The following ELOA variants were observed in gnomAD, a reference collection of about 807,000 sequenced individuals.
The protein encoded by ELOA is elongin A, also known as elongin-A.
A neutral mutation model predicts 85.2 loss-of-function variants in ELOA; 15 were observed. The observed-to-expected ratio is 0.18, with a 90% CI of 0.12 to 0.27. The LOEUF (loss-of-function observed/expected upper bound fraction) is 0.27. ELOA is among the 10% of genes least tolerant of loss of function. ELOA has a pLI of 1.00. For missense variants in ELOA, 769 were observed against 952.7 expected (o/e 0.81, Z 2.54); for synonymous variants, 348 against 357.2 (o/e 0.97, Z 0.29).
chr1:23,760,843 TAGG>T lies in ELOA; in HGVS notation c.*1274_*1276del, dbSNP rs1638282822. 6.6e-6 allele frequency: 1 copy of T among 152,008 alleles called. No homozygotes were observed. Among genetic ancestry groups the T allele is most frequent in the Non-Finnish European group, 1.5e-5 (1 of 68,022 alleles). The allele number at this position is 152,008 out of a possible 1,614,324, so 9.4% of individuals were successfully genotyped here. A position where few individuals can be genotyped will look rare whatever the true frequency, so the allele number is the denominator to read the frequency against. ...GTTGAACAGGAGCAAGATCAGAACT[TAGG>T]AGGGCAGTGTCAGCTCCCTTGTTGG... is the stretch of plus-strand genomic sequence containing the variant. On this transcript the variant is annotated 3_prime_UTR_variant, in exon 11 of 11. Transcript: ENST00000613537.
intron 10 of ELOA, among the ~76,000 whole-genome samples, chr1:23,758,072 C>G (rs563990373): frequency 6.6e-6 from 1 of 151,286 alleles, no homozygotes; most frequent in Non-Finnish European, 1.5e-5. Context: ...TTGTGAATGA[C>G]CATTTTGGCA....
chr1:23,754,066 A>G (rs1644784190), intron 5 of ELOA, 34 bp from the exon 6 acceptor site: 2 of 1,610,336 alleles, frequency 1.2e-6, no homozygotes, highest in South Asian at 1.1e-5. Context: ...TCACTGGATC[A>G]CTTAGGGCCT....
In ELOA at chr1:23,752,392, G is replaced by A; in HGVS notation, c.1426-15G>A. On this transcript the variant is annotated splice_polypyrimidine_tract_variant and intron_variant, in intron 4 of 10. Transcript: ENST00000613537. ...CTACTCACTGACTCTCCACCCATGG[G>A]TCTGTCCCCTGCAGGTGCCTGATGT... 1 of 1,612,594 alleles carries A rather than the reference G, an allele frequency of 6.2e-7. No individual in the cohort carries two copies. Among genetic ancestry groups the A allele is most frequent in the South Asian group, 1.1e-5 (1 of 90,850 alleles).
chr1:23,753,595 A>C (rs919791623), intron 5 of ELOA, among the ~76,000 whole-genome samples: 1 of 152,016 alleles, frequency 6.6e-6, no homozygotes, highest in Non-Finnish European at 1.5e-5. Context: ...CCTATGCCAC[A>C]GTAAAAAAAA....
At chr1:23,749,549 A>G (rs184757253) in intron 2 of ELOA, among the ~76,000 whole-genome samples, 116 of 152,300 alleles carry the variant, frequency 7.6e-4, no homozygotes, top group African/African-American at 2.7e-3. Flanking sequence ...TTCCTGCTTC[A>G]CAGGGTTATT....
At chr1:23,754,603 C>T in intron 7 of ELOA, 143 bp downstream of exon 7, 1 of 679,530 alleles carries the variant, frequency 1.5e-6, no homozygotes, top group Non-Finnish European at 2.5e-6. Context: ...TGCCACTGGG[C>T]CTTTAAACAA....
intron 1 of ELOA, chr1:23,744,060 C>T (rs1395125558): frequency 6.5e-6 from 1 of 153,112 alleles, no homozygotes; most frequent in Non-Finnish European, 1.5e-5. Context: ...GACTCGCGGT[C>T]TGGTCCGCGC....
chr1:23,754,503 T>G, intron 7 of ELOA, 43 bp downstream of exon 7: 1 of 1,481,302 alleles, frequency 6.8e-7, no homozygotes, highest in Non-Finnish European at 9.4e-7. Context: ...TTTTCTGGCT[T>G]GTACCTCCAG....
chr1:23,744,895 A>G (rs1644739883), intron 1 of ELOA, among the ~76,000 whole-genome samples: 1 of 152,180 alleles, frequency 6.6e-6, no homozygotes. Context: ...CTGAAAGGCT[A>G]AGGTACCAGG....
chr1:23,744,301 G>A (rs1644737016), intron 1 of ELOA: 2 of 152,226 alleles, frequency 1.3e-5, no homozygotes, highest in African/African-American at 2.4e-5. Context: ...TTGTTCGAGT[G>A]ATGGACAACC....
At chr1:23,758,074 A>AT (rs942281431) in intron 10 of ELOA, among the ~76,000 whole-genome samples, 24 of 151,520 alleles carry the variant, frequency 1.6e-4, no homozygotes, top group African/African-American at 5.3e-4. Flanking sequence ...GTGAATGACC[A>AT]TTTTGGCACT....
rs1638269371 is a variant in ELOA at position 23,760,076 on chromosome 1, C to G, written c.*503C>G. 6.3e-6 allele frequency: 1 copy of G among 159,470 alleles called. No homozygotes were observed. The highest frequency in any genetic ancestry group is 1.4e-5 in the Non-Finnish European group (1 of 72,850). 9.9% of individuals were successfully genotyped at this position (159,470 alleles called of 1,614,324 possible). A position where few individuals can be genotyped will look rare whatever the true frequency, so the allele number is the denominator to read the frequency against. On this transcript the variant is annotated 3_prime_UTR_variant, in exon 11 of 11. Transcript: ENST00000613537. ...GGACTGGGCATCTCCAGAGCCTGCA[C>G]AGTACCTGCTGCACGTAGGGCAAGG... is the stretch of plus-strand genomic sequence containing the variant.
intron 10 of ELOA, among the ~76,000 whole-genome samples, chr1:23,758,272 T>TA (rs1557456765): frequency 2.0e-5 from 2 of 99,970 alleles, no homozygotes; most frequent in African/African-American, 7.8e-5. Flanking sequence ...TTTTTTTTTT[T>TA]TTTTTTTTTT....
rs1451628255 is a variant in ELOA at position 23,760,505 on chromosome 1, T to G, written c.*932T>G. ...CACACGGCAGGGCTTTTTGTAGCCC[T>G]GAAGGCAACTTTAGACATTTAAAAT... On this transcript the variant is annotated 3_prime_UTR_variant, in exon 11 of 11. Transcript: ENST00000613537. The G allele has an allele frequency of 6.6e-6, 1 of 152,204 alleles. No homozygotes were observed. The highest frequency in any genetic ancestry group is 2.1e-4 in the South Asian group (1 of 4,826). 9.4% of individuals were successfully genotyped at this position (152,204 alleles called of 1,614,324 possible).
intron 10 of ELOA, 46 bp from the exon 11 acceptor site, chr1:23,759,466 A>G (rs1467027952): frequency 3.7e-6 from 6 of 1,602,802 alleles, no homozygotes; most frequent in Admixed American, 1.7e-5. Context: ...GGGTGTGTCT[A>G]AGCCGCCACA....
At chr1:23,754,574 G>A in intron 7 of ELOA, 114 bp downstream of exon 7, 1 of 829,518 alleles carries the variant, frequency 1.2e-6, no homozygotes, top group Non-Finnish European at 1.9e-6. Context: ...TCAGAGCATT[G>A]TTCTGGATAT....
Position 23,751,484 on chromosome 1 carries a change from G to A in ELOA, c.879G>A (p.Pro293=), listed in dbSNP as rs759369689. ...CAGGGGACAATGCAAGGGAGAAACCGCCCTCTAGTGGCGTAAAGAAAGAGA... is the reference window on the plus strand; with the variant it reads ...CAGGGGACAATGCAAGGGAGAAACCACCCTCTAGTGGCGTAAAGAAAGAGA... The part of the protein sequence containing the change: ...PPSGDNAREK[P]PSSGVKKEKD... The change falls in exon 4 of 11, where the codon CCG becomes CCA. Residue 293 remains proline, a synonymous_variant. Coordinates refer to ENST00000613537, the MANE Select transcript of ELOA (RefSeq NM_003198.3). 68 of 1,613,970 alleles carry A rather than the reference G, an allele frequency of 4.2e-5. No homozygotes were observed. In the South Asian group the frequency reaches 5.7e-4, roughly 14 times the overall value.
chr1:23,757,538 A>G (rs1226985232), intron 10 of ELOA, among the ~76,000 whole-genome samples: 2 of 152,114 alleles, frequency 1.3e-5, no homozygotes, highest in African/African-American at 4.8e-5. Flanking sequence ...TCGCTCTGTC[A>G]CCCAGGCTGG....
intron 1 of ELOA, chr1:23,744,107 T>C (rs1644736153): frequency 6.6e-6 from 1 of 152,406 alleles, no homozygotes; most frequent in Admixed American, 6.5e-5. Context: ...CGGCTGGATA[T>C]CAGAGCGTGG....
Sources: gnomAD v4.1 joint callset for allele counts (sites outside exome capture counted in the v4.1 genomes callset) on GRCh38, gnomAD v4.1.1 for gene constraint, MANE v1.5 for transcripts, NCBI Gene and HGNC (gene_info 2026-07-23, HGNC 2026-07-21) for gene names.